NOP9: variants seen among roughly 807,000 people sequenced by gnomAD.
NOP9 encodes nucleolar protein 9.
A neutral mutation model predicts 63.0 loss-of-function variants in NOP9; 50 were observed. The ratio of observed to expected loss-of-function variants is 0.79; its 90% CI spans 0.63 to 1.00. The LOEUF is 1.00. NOP9 is among the 50% of genes least tolerant of loss of function. The pLI, the probability that NOP9 is intolerant of heterozygous loss-of-function variation, is 0.00. For missense variants in NOP9, 758 were observed against 803.0 expected (o/e 0.94, Z 0.68); for synonymous variants, 343 against 332.8 (o/e 1.03, Z -0.33).
chr14:24,300,120 C>A lies in NOP9; in HGVS notation c.166C>A (p.His56Asn), dbSNP rs779701180. ...GGAGCCGGCTCCAGATTCGCACCCG[C>A]ACCTGAGCCCGGAAGCTCTGGGATA... Reference protein sequence around the residue: ...RSEPAPDSHPHLSPEALGYFR... With the variant: ...RSEPAPDSHPNLSPEALGYFR... The change falls in exon 1 of 10, where the codon CAC becomes AAC. Residue 56 changes from histidine (H) to asparagine (N), a missense_variant. Coordinates refer to ENST00000267425, the MANE Select transcript of NOP9 (RefSeq NM_174913.3). The A allele has an allele frequency of 1.2e-6, 2 of 1,613,660 alleles. No homozygotes were observed.
the NOP9 span, chr14:24,294,368 A>G: frequency 1.3e-5 from 2 of 152,140 alleles, no homozygotes; most frequent in African/African-American, 4.8e-5. Flanking sequence ...TGGGTAGATC[A>G]CTTGAGATCA....
the NOP9 span, among the ~76,000 whole-genome samples, chr14:24,285,787 G>A: frequency 6.6e-6 from 1 of 152,100 alleles, no homozygotes; most frequent in Admixed American, 6.5e-5. Context: ...TCAGAAGTTC[G>A]AGACCAGCCT....
the NOP9 span, among the ~76,000 whole-genome samples, chr14:24,288,568 T>C: frequency 8.5e-4 from 129 of 152,312 alleles, 1 homozygote; most frequent in Middle Eastern, 3.4e-3. Context: ...CAGGCTGGTC[T>C]CGAACTCCTG....
upstream of NOP9, among the ~76,000 whole-genome samples, chr14:24,295,815 G>C (rs1475550838): frequency 6.6e-6 from 1 of 152,200 alleles, no homozygotes; most frequent in African/African-American, 2.4e-5. Flanking sequence ...CAAAATTGGA[G>C]CGGTGGGTGT....
chr14:24,272,834 C>T, the NOP9 span, among the ~76,000 whole-genome samples: 15 of 152,332 alleles, frequency 9.8e-5, no homozygotes, highest in African/African-American at 3.6e-4. Context: ...TTTCTCCACA[C>T]TCCTCCTTTG....
At position 24,306,449 on chromosome 14, in the gene NOP9, C is replaced by G. The variant is rs2041510090; in HGVS notation, c.*1354C>G. 2 of 1,614,124 alleles carry G rather than the reference C, an allele frequency of 1.2e-6. No homozygotes were observed. The highest frequency in any genetic ancestry group is 1.7e-6 in the Non-Finnish European group (2 of 1,180,050). On this transcript the variant is annotated 3_prime_UTR_variant, in exon 10 of 10. Coordinates refer to ENST00000267425, the MANE Select transcript of NOP9 (RefSeq NM_174913.3). ...CATCCTCCAGCAGCTGGAAGAAGTC[C>G]TCACTGTCCACTGCAGTTCCATCCT...
At chr14:24,297,805 G>GCTT (rs1034072977), upstream of NOP9, among the ~76,000 whole-genome samples, 1 of 152,156 alleles carries the variant, frequency 6.6e-6, no homozygotes, top group Admixed American at 6.5e-5. Context: ...CTGCTGGAAT[G>GCTT]CTTTTCCTAA....
the NOP9 span, among the ~76,000 whole-genome samples, chr14:24,294,836 C>T: frequency 6.6e-6 from 1 of 152,114 alleles, no homozygotes. Flanking sequence ...ATTAAAACCC[C>T]TTTATATATT....
intron 1 of NOP9, 28 bp downstream of exon 1, chr14:24,300,229 A>G: frequency 1.2e-6 from 2 of 1,607,728 alleles, no homozygotes; most frequent in Non-Finnish European, 1.7e-6. Context: ...GGTTTAGACC[A>G]AGAGCATCAA....
the NOP9 span, among the ~76,000 whole-genome samples, chr14:24,276,480 G>A: frequency 6.6e-6 from 1 of 152,082 alleles, no homozygotes; most frequent in Non-Finnish European, 1.5e-5. Context: ...TTTAGAGACA[G>A]GATCTTTCTA....
upstream of NOP9, chr14:24,298,994 C>T (rs1306156197): frequency 2.5e-6 from 4 of 1,613,268 alleles, no homozygotes; most frequent in Admixed American, 3.3e-5. Context: ...CAGATGGCGG[C>T]CAGTGATGTA....
chr14:24,296,487 G>A (rs573063395), upstream of NOP9: 3 of 1,613,562 alleles, frequency 1.9e-6, no homozygotes, highest in African/African-American at 4.0e-5. Flanking sequence ...GGGAACATGG[G>A]TCCTGGCAGT....
At chr14:24,304,816 G>C in intron 9 of NOP9, 122 bp from the exon 10 acceptor site, 2 of 1,188,436 alleles carry the variant, frequency 1.7e-6, no homozygotes, top group Non-Finnish European at 2.3e-6. Context: ...TCTTTGGAAA[G>C]TGAAGTGTTC....
the NOP9 span, among the ~76,000 whole-genome samples, chr14:24,287,090 A>G: frequency 6.6e-6 from 1 of 151,948 alleles, no homozygotes; most frequent in Non-Finnish European, 1.5e-5. Context: ...GGGTTTCACC[A>G]TGTTGGCCAA....
At position 24,303,133 on chromosome 14, in the gene NOP9, C is replaced by T. The variant is rs372920925; in HGVS notation, c.1203C>T (p.His401=). The change falls in exon 6 of 10, where the codon CAC becomes CAT. Residue 401 remains histidine (H), a synonymous_variant. Transcript: ENST00000267425. The stretch of plus-strand genomic sequence containing the variant: ...TGGAAGCTGTATTGGCCCAGGGCCA[C>T]CCAGGGGTAGTCATTGCCCTGGTGG... ...PVLEAVLAQG[H]PGVVIALVGA... 164 of 1,612,076 alleles carry T rather than the reference C, an allele frequency of 1.0e-4. 1 individual carries two copies. The South Asian group carries it at 1.4e-3, about 14-fold the overall frequency.
chr14:24,304,162 G>A lies in NOP9; in HGVS notation c.1532G>A (p.Gly511Glu). 6.2e-7 allele frequency: 1 copy of A among 1,614,214 alleles called. No homozygotes were observed. The highest frequency in any genetic ancestry group is 8.5e-7 in the Non-Finnish European group (1 of 1,180,026). Residue 511 changes from glycine (G) to glutamate (E), a missense_variant, in exon 8 of 10, where the codon GGA (glycine) becomes GAA (glutamate). Physicochemically the swap from Gly to Glu is moderately conservative, Grantham distance 98. Coordinates refer to ENST00000267425, the MANE Select transcript of NOP9 (RefSeq NM_174913.3). The stretch of plus-strand genomic sequence containing the variant: ...CTTCGAAGTCTGGGTGCCTTGACGG[G>A]ACCACAGCTTCTGTCCCTTGCCCAA... ...LVLRSLGALT[G>E]PQLLSLAQSP...
chr14:24,297,693 G>T (rs1445775825), upstream of NOP9, among the ~76,000 whole-genome samples: 1 of 151,990 alleles, frequency 6.6e-6, no homozygotes, highest in African/African-American at 2.4e-5. Context: ...GGTCTTCCAA[G>T]ACCCACTCTT....
At chr14:24,282,147 A>G in the NOP9 span, among the ~76,000 whole-genome samples, 4 of 152,314 alleles carry the variant, frequency 2.6e-5, no homozygotes, top group South Asian at 8.3e-4. Context: ...AGATAGCGCC[A>G]CTGCACTCCA....
At chr14:24,299,604 G>C (rs1467385603), upstream of NOP9, 1 of 279,536 alleles carries the variant, frequency 3.6e-6, no homozygotes, top group African/African-American at 2.2e-5. Flanking sequence ...TGCCGCTGAG[G>C]TCTGCAGATT....
Sources: gnomAD v4.1 joint callset for allele counts (sites outside exome capture counted in the v4.1 genomes callset) on GRCh38, gnomAD v4.1.1 for gene constraint, MANE v1.5 for transcripts, NCBI Gene and HGNC (gene_info 2026-07-23, HGNC 2026-07-21) for gene names.